Variants in FMNL2 observed in about 807,000 individuals in gnomAD.
FMNL2 encodes formin-like protein 2.
A neutral mutation model predicts 130.2 loss-of-function variants in FMNL2; 51 were observed. The observed-to-expected ratio is 0.39, with a 90% CI of 0.31 to 0.49. The LOEUF is 0.49. FMNL2 is among the 20% of genes least tolerant of loss of function. The pLI is 0.85. For missense variants in FMNL2, 977 were observed against 1,316.2 expected, an observed-to-expected ratio of 0.74 and a Z score of 3.99; for synonymous variants, 465 against 467.1, an observed-to-expected ratio of 1.00 and a Z score of 0.06.
Position 152,447,820 on chromosome 2 carries a change from A to G in FMNL2, c.118-74123A>G, listed in dbSNP as rs137983761. Among the ~76,000 whole-genome samples, 562 of 152,242 alleles carry G rather than the reference A, an allele frequency of 3.7e-3. 3 individuals carry two copies. Among genetic ancestry groups the G allele is most frequent in the African/African-American group, 0.013 (540 of 41,540 alleles). ...TGTCGTTTGGACCAAACGACTTAGC[A>G]TCCATTTGTTCTTCCTTGTGTGTAG... is the stretch of plus-strand genomic sequence containing the variant. On this transcript the variant is annotated intron_variant, in intron 1 of 25. Transcript: ENST00000288670.
At chr2:152,421,424 A>G (rs1686916383) in intron 1 of FMNL2, among the ~76,000 whole-genome samples, 1 of 152,218 alleles carries the variant, frequency 6.6e-6, no homozygotes, top group Admixed American at 6.5e-5. Context: ...TTGGGACAAC[A>G]AATCAGTGCT....
intron 1 of FMNL2, among the ~76,000 whole-genome samples, chr2:152,490,175 T>A (rs989501641): frequency 6.6e-6 from 1 of 151,232 alleles, no homozygotes; most frequent in Non-Finnish European, 1.5e-5. Context: ...ACGGGGAAAC[T>A]TGCAAAAAAA....
At chr2:152,541,161 T>C (rs1694291251) in intron 2 of FMNL2, among the ~76,000 whole-genome samples, 1 of 152,170 alleles carries the variant, frequency 6.6e-6, no homozygotes, top group Non-Finnish European at 1.5e-5. Context: ...TCTTTTCTTT[T>C]CTTTTTTTTG....
In FMNL2 at chr2:152,649,317, AAT is replaced by A. The variant is rs1431867025; in HGVS notation, c.*1415_*1416del. 6.6e-6 allele frequency: 1 copy of A among 152,594 alleles called. No homozygotes were observed. Among genetic ancestry groups the A allele is most frequent in the East Asian group, 1.9e-4 (1 of 5,178 alleles). 9.5% of individuals were successfully genotyped at this position (152,594 alleles called of 1,614,324 possible). The stretch of plus-strand genomic sequence containing the variant: ...ACCTAAGCCTCTGGGTAATATTGTA[AAT>A]ATTGTTTTAAAATGCATCAGCCTAT... On this transcript the variant is annotated 3_prime_UTR_variant, in exon 26 of 26. Coordinates refer to ENST00000288670, the MANE Select transcript of FMNL2 (RefSeq NM_052905.4).
chr2:152,427,106 G>A (rs921160081), intron 1 of FMNL2, among the ~76,000 whole-genome samples: 2 of 152,146 alleles, frequency 1.3e-5, no homozygotes, highest in Admixed American at 6.5e-5. Flanking sequence ...ATGTTGGAAC[G>A]GTTAGGAGCA....
chr2:152,344,142 A>T (rs1299789518), intron 1 of FMNL2, among the ~76,000 whole-genome samples: 1 of 152,172 alleles, frequency 6.6e-6, no homozygotes, highest in Non-Finnish European at 1.5e-5. Flanking sequence ...ACAGAGCAAG[A>T]CTATCTCTAA....
In FMNL2 at chr2:152,471,563, C is replaced by T. The variant is rs533359644; in HGVS notation, c.118-50380C>T. On this transcript the variant is annotated intron_variant, in intron 1 of 25. Transcript: ENST00000288670. ...TATAGTCCACGTGGGGGTGGGCGTC[C>T]GGCGCCTGGTTCTGTAGCAGCCCCA... Among the ~76,000 whole-genome samples the T allele has an allele frequency of 8.5e-4, 129 of 152,242 alleles. 1 individual carries two copies. Among genetic ancestry groups the T allele is most frequent in the Admixed American group, 3.7e-3 (57 of 15,286 alleles).
intron 9 of FMNL2, among the ~76,000 whole-genome samples, chr2:152,589,979 A>ATGTATG (rs1188116941): frequency 0.012 from 534 of 44,432 alleles, 13 homozygotes; most frequent in Admixed American, 0.037. Context: ...ATATATATAT[A>ATGTATG]TATATGTATA....
At chr2:152,362,511 AC>A (rs1343268558) in intron 1 of FMNL2, among the ~76,000 whole-genome samples, 1 of 152,118 alleles carries the variant, frequency 6.6e-6, no homozygotes, top group Non-Finnish European at 1.5e-5. Context: ...GGATAAGGAA[AC>A]TAGGACTGAA....
chr2:152,411,159 C>T (rs572283058), intron 1 of FMNL2, among the ~76,000 whole-genome samples: 1 of 152,292 alleles, frequency 6.6e-6, no homozygotes, highest in South Asian at 2.1e-4. Context: ...GGATAGTCAG[C>T]TAAATATGCT....
Position 152,622,531 on chromosome 2 carries a change from C to A in FMNL2, c.1837+2813C>A, listed in dbSNP as rs545259389. 5 of 456,706 alleles carry A rather than the reference C, an allele frequency of 1.1e-5. No individual in the cohort carries two copies. The East Asian group carries it at 3.5e-4, about 32-fold the overall frequency. The allele number at this position is 456,706 out of a possible 1,614,324, so 28.3% of individuals were successfully genotyped here. On this transcript the variant is annotated intron_variant, in intron 15 of 25. Coordinates refer to ENST00000288670, the MANE Select transcript of FMNL2 (RefSeq NM_052905.4). ...ATTTTCTCTGTTCTTTCTGCTTCCA[C>A]AAAAGATGGGCCAATCAAGCTTTTC... is the stretch of plus-strand genomic sequence containing the variant.
intron 9 of FMNL2, among the ~76,000 whole-genome samples, chr2:152,590,091 G>T (rs1697349478): frequency 6.8e-6 from 1 of 147,504 alleles, no homozygotes; most frequent in Non-Finnish European, 1.5e-5. Context: ...TTGCTATGTT[G>T]CCCAGGCTCA....
At chr2:152,537,406 C>T (rs1694052042) in intron 2 of FMNL2, among the ~76,000 whole-genome samples, 1 of 151,532 alleles carries the variant, frequency 6.6e-6, no homozygotes, top group African/African-American at 2.4e-5. Flanking sequence ...CTAACATACG[C>T]CTTAGGGGAT....
chr2:152,371,923 C>T (rs953002005), intron 1 of FMNL2, among the ~76,000 whole-genome samples: 1 of 152,234 alleles, frequency 6.6e-6, no homozygotes, highest in South Asian at 2.1e-4. Context: ...AAAGCCCTCA[C>T]CAGATGTGGG....
chr2:152,616,071 CT>C (rs1698929255), intron 12 of FMNL2, among the ~76,000 whole-genome samples: 1 of 152,158 alleles, frequency 6.6e-6, no homozygotes, highest in Non-Finnish European at 1.5e-5. Flanking sequence ...CAGTGTAAAT[CT>C]CCACTCTTCC....
intron 2 of FMNL2, among the ~76,000 whole-genome samples, chr2:152,535,999 C>T (rs764175499): frequency 3.3e-5 from 5 of 152,178 alleles, no homozygotes; most frequent in Non-Finnish European, 7.3e-5. Context: ...GACTTTGGTT[C>T]TCTCAGTTCT....
intron 1 of FMNL2, among the ~76,000 whole-genome samples, chr2:152,409,726 T>C (rs1686182432): frequency 6.6e-6 from 1 of 152,194 alleles, no homozygotes; most frequent in African/African-American, 2.4e-5. Context: ...TGATACTTTA[T>C]GGAGAACTTT....
chr2:152,542,911 TAGAGCCTCTGCC>T, intron 3 of FMNL2, 92 bp downstream of exon 3: 1 of 1,379,486 alleles, frequency 7.2e-7, no homozygotes, highest in Non-Finnish European at 1.0e-6. Context: ...TCCTCTGCAT[TAGAGCCTCTGCC>T]AGAGCCTCCA....
chr2:152,624,349 G>C (rs1350192099), intron 15 of FMNL2, among the ~76,000 whole-genome samples: 3 of 151,484 alleles, frequency 2.0e-5, no homozygotes, highest in African/African-American at 7.3e-5. Context: ...GTAGAGACAG[G>C]GTTTCACCAT....
Sources: gnomAD v4.1 joint callset for allele counts (sites outside exome capture counted in the v4.1 genomes callset) on GRCh38, gnomAD v4.1.1 for gene constraint, MANE v1.5 for transcripts, NCBI Gene and HGNC (gene_info 2026-07-23, HGNC 2026-07-21) for gene names.